Variants in NRXN1 observed in about 807,000 individuals in gnomAD.
NRXN1 encodes the protein neurexin 1.
A neutral mutation model predicts 150.9 loss-of-function variants in NRXN1; 39 were observed. The observed-to-expected ratio is 0.26, with a 90% CI of 0.20 to 0.34. The LOEUF (loss-of-function observed/expected upper bound fraction) is 0.34. Among genes scored for constraint, NRXN1 ranks in the 10% least tolerant of loss-of-function variants. The probability of loss-of-function intolerance (pLI) is 1.00; values close to 1 mark genes in which losing one functional copy is unlikely to be tolerated. For synonymous variants in NRXN1, 924 were observed against 757.0 expected (o/e 1.22, Z -3.62); for missense variants, 1,815 against 1,949.9 (o/e 0.93, Z 1.30).
chr2:50,169,100 A>G (rs1237631143), intron 18 of NRXN1, among the ~76,000 whole-genome samples: 1 of 152,228 alleles, frequency 6.6e-6, no homozygotes, highest in Non-Finnish European at 1.5e-5. Flanking sequence ...TGTGCCTAAC[A>G]TACAATAGCT....
chr2:50,718,889 A>T lies in NRXN1; in HGVS notation c.833-95274T>A, dbSNP rs547505476. ...CTTCTCCCTTCTTTCTTTCTTTATC[A>T]CTAAGCTGATTAGATAAAACAGACC... On this transcript the variant is annotated intron_variant, in intron 5 of 22. Coordinates refer to ENST00000401669, the MANE Select transcript of NRXN1 (RefSeq NM_001330078.2). Among the ~76,000 whole-genome samples, 10 of 151,802 alleles carry T rather than the reference A, an allele frequency of 6.6e-5. No homozygotes were observed. In the East Asian group the frequency reaches 1.9e-3, roughly 29 times the overall value.
chr2:50,653,666 T>C (rs542589652), intron 5 of NRXN1, among the ~76,000 whole-genome samples: 12 of 152,174 alleles, frequency 7.9e-5, no homozygotes, highest in African/African-American at 2.9e-4. Flanking sequence ...GAAGTTCAAA[T>C]GTACCTTGAT....
chr2:50,191,111 C>T (rs2061414380), intron 18 of NRXN1, among the ~76,000 whole-genome samples: 1 of 152,046 alleles, frequency 6.6e-6, no homozygotes, highest in Non-Finnish European at 1.5e-5. Context: ...TCACTATAAC[C>T]TCCGCCTCCC....
chr2:50,025,494 A>G (rs1387047134), intron 21 of NRXN1, among the ~76,000 whole-genome samples: 1 of 152,228 alleles, frequency 6.6e-6, no homozygotes, highest in African/African-American at 2.4e-5. Flanking sequence ...CAAAGCTGCT[A>G]TAGGTCATGG....
At chr2:50,379,715 G>A (rs974938095) in intron 17 of NRXN1, among the ~76,000 whole-genome samples, 1 of 151,978 alleles carries the variant, frequency 6.6e-6, no homozygotes, top group African/African-American at 2.4e-5. Context: ...AAAAATAGAA[G>A]GGTGTAAAAA....
intron 17 of NRXN1, among the ~76,000 whole-genome samples, chr2:50,447,839 C>G (rs533350881): frequency 5.1e-4 from 73 of 143,142 alleles, no homozygotes; most frequent in African/African-American, 1.9e-3. Context: ...AAATAAAAAT[C>G]TCACCACAAA....
chr2:50,368,860 C>T (rs2079797859), intron 17 of NRXN1, among the ~76,000 whole-genome samples: 1 of 152,044 alleles, frequency 6.6e-6, no homozygotes, highest in Admixed American at 6.6e-5. Context: ...AACTAACCTA[C>T]ATTCCCACAG....
At chr2:50,020,253 A>T (rs1687365024) in intron 21 of NRXN1, among the ~76,000 whole-genome samples, 1 of 152,202 alleles carries the variant, frequency 6.6e-6, no homozygotes, top group East Asian at 1.9e-4. Context: ...AGCATTTTGA[A>T]TACGTGTTTA....
chr2:50,494,585 C>T (rs2091453571), intron 15 of NRXN1, among the ~76,000 whole-genome samples: 1 of 152,120 alleles, frequency 6.6e-6, no homozygotes, highest in South Asian at 2.1e-4. Flanking sequence ...TAGCAAGAAG[C>T]CCACTGTGAA....
intron 18 of NRXN1, among the ~76,000 whole-genome samples, chr2:50,167,685 T>C (rs751712874): frequency 4.6e-5 from 7 of 152,230 alleles, no homozygotes; most frequent in Non-Finnish European, 1.0e-4. Context: ...AAAATAATTG[T>C]TCTCAAAGTT....
In NRXN1 at chr2:50,621,243, C is replaced by T; in HGVS notation, c.1141G>A (p.Gly381Ser). Reference sequence around the variant, plus strand: ...TTGTTTACCATAGCGTGTCCAATGCCTGAGTGCTTTGTGGAGAAGGGGGGA... The same window carrying T: ...TTGTTTACCATAGCGTGTCCAATGCTTGAGTGCTTTGTGGAGAAGGGGGGA... ...KVTRNLRQHS[G>S]IGHAMVTISV... is the part of the protein sequence containing the mutation. Residue 381 changes from glycine (G) to serine (S), a missense_variant, in exon 7 of 23, where the codon GGC becomes AGC. By Grantham distance (56) the Gly-to-Ser change is moderately conservative (BLOSUM62 0). Coordinates refer to ENST00000401669, the MANE Select transcript of NRXN1 (RefSeq NM_001330078.2). 6.4e-7 allele frequency: 1 copy of T among 1,571,346 alleles called. No individual in the cohort carries two copies. Among genetic ancestry groups the T allele is most frequent in the Non-Finnish European group, 8.6e-7 (1 of 1,156,534 alleles).
At chr2:50,777,663 T>C (rs1193390182) in intron 5 of NRXN1, among the ~76,000 whole-genome samples, 12 of 152,314 alleles carry the variant, frequency 7.9e-5, no homozygotes, top group Non-Finnish European at 1.3e-4. Flanking sequence ...AAATACTTGA[T>C]ATTCCATTGA....
chr2:50,134,393 C>T (rs1706060399), intron 18 of NRXN1, among the ~76,000 whole-genome samples: 1 of 151,810 alleles, frequency 6.6e-6, no homozygotes, highest in Admixed American at 6.6e-5. Context: ...AAAGACTGCA[C>T]GTGGTGGATA....
chr2:50,879,403 G>A (rs1322659395), intron 5 of NRXN1, among the ~76,000 whole-genome samples: 10 of 151,846 alleles, frequency 6.6e-5, no homozygotes, highest in Non-Finnish European at 1.5e-4. Flanking sequence ...TTAAATTAGT[G>A]TATATTGCTA....
In NRXN1 at chr2:50,499,699, G is replaced by A. The variant is rs1256488640; in HGVS notation, c.2498-1985C>T. On this transcript the variant is annotated intron_variant, in intron 13 of 22. Transcript: ENST00000401669. ...GCGGTGGCTCACGCCTGTAATCCCA[G>A]CATTTTGGGAGGCCTAGGGGGGCAG... Among the ~76,000 whole-genome samples, 5 of 152,186 alleles carry A rather than the reference G, an allele frequency of 3.3e-5. No individual in the cohort carries two copies. The East Asian group carries it at 5.8e-4, about 18-fold the overall frequency.
At chr2:50,376,161 A>T (rs1382257761) in intron 17 of NRXN1, among the ~76,000 whole-genome samples, 1 of 152,054 alleles carries the variant, frequency 6.6e-6, no homozygotes, top group East Asian at 1.9e-4. Context: ...AAACACATAC[A>T]CAAATTGCAA....
At chr2:50,243,242 A>G (rs1196909624) in intron 17 of NRXN1, among the ~76,000 whole-genome samples, 2 of 151,750 alleles carry the variant, frequency 1.3e-5, no homozygotes, top group East Asian at 1.9e-4. Flanking sequence ...TTTGATTTTT[A>G]CACAACATAT....
chr2:49,931,083 G>A (rs1020984613), intron 22 of NRXN1, among the ~76,000 whole-genome samples: 2 of 152,134 alleles, frequency 1.3e-5, no homozygotes, highest in African/African-American at 2.4e-5. Context: ...AGTGAGCCAC[G>A]ATCATGTCAC....
Position 50,250,244 on chromosome 2 carries a change from C to A in NRXN1, c.3365-13274G>T, listed in dbSNP as rs148327321. Among the ~76,000 whole-genome samples, 4 of 152,216 alleles carry A rather than the reference C, an allele frequency of 2.6e-5. 1 individual carries two copies. In the South Asian group the frequency reaches 8.3e-4, roughly 32 times the overall value. ...AAACCAACCCTGTACTTCAAGCAAA[C>A]TGGAGAATTTGCTTGTCTCCCAAAT... On this transcript the variant is annotated intron_variant, in intron 17 of 22. Coordinates refer to ENST00000401669, the MANE Select transcript of NRXN1 (RefSeq NM_001330078.2).
Sources: gnomAD v4.1 joint callset for allele counts (sites outside exome capture counted in the v4.1 genomes callset) on GRCh38, gnomAD v4.1.1 for gene constraint, MANE v1.5 for transcripts, NCBI Gene and HGNC (gene_info 2026-07-23, HGNC 2026-07-21) for gene names.